Variants in AKAP6 observed in about 807,000 individuals in gnomAD.
AKAP6 encodes the protein A-kinase anchoring protein 6, also known as A-kinase anchor protein 6.
In AKAP6, 58 loss-of-function variants were observed where a neutral mutation model predicts 188.5. The observed-to-expected ratio is 0.31, with a 90% confidence interval of 0.25 to 0.38. The LOEUF (loss-of-function observed/expected upper bound fraction) is 0.38. AKAP6 is among the 10% of genes least tolerant of loss of function. The probability of loss-of-function intolerance (pLI) is 1.00; values close to 1 mark genes in which losing one functional copy is unlikely to be tolerated. For synonymous variants in AKAP6, 989 were observed against 998.6 expected (o/e 0.99, Z 0.18); for missense variants, 2,710 against 2,740.0 (o/e 0.99, Z 0.24).
intron 12 of AKAP6, among the ~76,000 whole-genome samples, chr14:32,784,643 CTGTT>C (rs1435683422): frequency 6.6e-6 from 1 of 152,154 alleles, no homozygotes; most frequent in Non-Finnish European, 1.5e-5. Context: ...TGAACATGTA[CTGTT>C]TCTCAGTTGC....
At chr14:32,551,533 T>C (rs1019633493) in intron 4 of AKAP6, among the ~76,000 whole-genome samples, 1 of 133,706 alleles carries the variant, frequency 7.5e-6, no homozygotes, top group African/African-American at 2.9e-5. Flanking sequence ...GAGCGTGCCA[T>C]GGCACTCCAG....
intron 8 of AKAP6, among the ~76,000 whole-genome samples, chr14:32,689,361 A>G (rs1015525238): frequency 6.6e-6 from 1 of 152,120 alleles, no homozygotes; most frequent in Non-Finnish European, 1.5e-5. Context: ...GTGTTGGTGG[A>G]CAGATGGTCC....
At chr14:32,395,321 A>T (rs1888843018) in intron 1 of AKAP6, among the ~76,000 whole-genome samples, 1 of 152,108 alleles carries the variant, frequency 6.6e-6, no homozygotes, top group Admixed American at 6.6e-5. Flanking sequence ...GTACTTTATC[A>T]TTAGTAGCAA....
At chr14:32,640,684 T>A (rs1479240194) in intron 7 of AKAP6, among the ~76,000 whole-genome samples, 1 of 152,170 alleles carries the variant, frequency 6.6e-6, no homozygotes, top group Non-Finnish European at 1.5e-5. Flanking sequence ...CTCGATTGAC[T>A]GAGAATCTTA....
Position 32,824,212 on chromosome 14 carries a change from C to T in AKAP6, c.6399C>T (p.Ser2133=), listed in dbSNP as rs1272432127. The change falls in exon 13 of 14, where the codon AGC becomes AGT. Residue 2133 remains serine, a synonymous_variant. Transcript: ENST00000280979. ...GEVTNYIEEK[S]STPLPLDTTD... ...TCACCAATTACATAGAAGAGAAAAGCAGCACTCCATTGCCACTAGACACCA... is the reference window on the plus strand; with the variant it reads ...TCACCAATTACATAGAAGAGAAAAGTAGCACTCCATTGCCACTAGACACCA... 12 of 1,613,872 alleles carry T rather than the reference C, an allele frequency of 7.4e-6. No homozygotes were observed. Among genetic ancestry groups the T allele is most frequent in the Non-Finnish European group, 9.3e-6 (11 of 1,179,952 alleles).
At position 32,545,465 on chromosome 14, in the gene AKAP6, G is replaced by C; in HGVS notation, c.812G>C (p.Ser271Thr). ...MEKEFPELIRSVGLLTVAADS... is the reference protein window; with the variant it reads ...MEKEFPELIRTVGLLTVAADS... Reference sequence around the variant, plus strand: ...AAGGAGTTTCCTGAGCTTATCCGAAGTGTTGGTTTACTTACGGTAGCTGCT... The same window carrying C: ...AAGGAGTTTCCTGAGCTTATCCGAACTGTTGGTTTACTTACGGTAGCTGCT... The change falls in exon 4 of 14, where the codon AGT becomes ACT. Residue 271 changes from serine to threonine, a missense_variant. Ser to Thr is a moderately conservative substitution (Grantham distance 58, BLOSUM62 1). Transcript: ENST00000280979. 2 of 1,614,214 alleles carry C rather than the reference G, an allele frequency of 1.2e-6. No individual in the cohort carries two copies. Among genetic ancestry groups the C allele is most frequent in the Non-Finnish European group, 1.7e-6 (2 of 1,180,016 alleles).
intron 1 of AKAP6, among the ~76,000 whole-genome samples, chr14:32,349,024 C>CT (rs112728605): frequency 7.2e-5 from 11 of 152,256 alleles, no homozygotes; most frequent in African/African-American, 2.2e-4. Context: ...AAATCACCCT[C>CT]TAGGACCTTT....
intron 8 of AKAP6, among the ~76,000 whole-genome samples, chr14:32,692,815 A>C (rs1261360016): frequency 6.6e-6 from 1 of 152,194 alleles, no homozygotes; most frequent in Non-Finnish European, 1.5e-5. Context: ...TGTATGAAAA[A>C]GAAACAAGCT....
chr14:32,786,312 T>TTTTTTTTTTTTG (rs1566710320), intron 12 of AKAP6, among the ~76,000 whole-genome samples: 7 of 90,290 alleles, frequency 7.8e-5, no homozygotes, highest in African/African-American at 3.1e-4. Context: ...TTTTTTTTTT[T>TTTTTTTTTTTTG]TTTTTTTTTT....
At chr14:32,331,815 T>C (rs1161780383) in intron 1 of AKAP6, among the ~76,000 whole-genome samples, 1 of 152,124 alleles carries the variant, frequency 6.6e-6, no homozygotes, top group African/African-American at 2.4e-5. Flanking sequence ...ATCAAGACCA[T>C]GTTTATTGGA....
chr14:32,629,188 A>C (rs1008583622), intron 7 of AKAP6, among the ~76,000 whole-genome samples: 1 of 152,096 alleles, frequency 6.6e-6, no homozygotes, highest in Admixed American at 6.6e-5. Context: ...TGTAATCATA[A>C]ACTTTATGAA....
rs1369148905 is a variant in AKAP6, at chr14:32,577,177, A to G, written c.2404A>G (p.Thr802Ala). ...ATGGTTAAATGAAGCCATGGAAACT[A>G]CAGAAAATTGGACTCCCCCTAAAGC... ...IQWLNEAMET[T>A]ENWTPPKAEM... The change falls in exon 5 of 14, where the codon ACA becomes GCA. Residue 802 changes from threonine (T) to alanine (A), a missense_variant. Coordinates refer to ENST00000280979, the MANE Select transcript of AKAP6 (RefSeq NM_004274.5). The G allele has an allele frequency of 1.2e-6, 2 of 1,612,554 alleles. No individual in the cohort carries two copies. Among genetic ancestry groups the G allele is most frequent in the African/African-American group, 1.3e-5 (1 of 74,816 alleles).
intron 7 of AKAP6, among the ~76,000 whole-genome samples, chr14:32,665,635 A>G (rs552012768): frequency 3.3e-5 from 5 of 152,168 alleles, no homozygotes; most frequent in African/African-American, 1.2e-4. Context: ...GGACCCTCTC[A>G]TGGGAGAGTC....
chr14:32,529,311 T>C (rs1342155559), intron 2 of AKAP6, among the ~76,000 whole-genome samples: 1 of 152,224 alleles, frequency 6.6e-6, no homozygotes, highest in Non-Finnish European at 1.5e-5. Context: ...TTTTGTATAT[T>C]AACCTCATAT....
At chr14:32,510,451 CATATATATGTGTATATATATATATACAT>C (rs1475132223) in intron 2 of AKAP6, among the ~76,000 whole-genome samples, 3 of 35,798 alleles carry the variant, frequency 8.4e-5, no homozygotes, top group East Asian at 9.4e-4. Flanking sequence ...TATATATATA[CATATATATGTGTATATATATATATACAT>C]ATATATATGT....
At chr14:32,750,212 C>T (rs1157390090) in intron 11 of AKAP6, among the ~76,000 whole-genome samples, 2 of 151,926 alleles carry the variant, frequency 1.3e-5, no homozygotes, top group Admixed American at 6.6e-5. Flanking sequence ...TTTTTAATTA[C>T]GTATTTTCTT....
chr14:32,428,350 C>T (rs942003281), intron 1 of AKAP6, among the ~76,000 whole-genome samples: 2 of 152,042 alleles, frequency 1.3e-5, no homozygotes. Context: ...ACATTAGCTT[C>T]CAAATAGGGA....
At chr14:32,792,107 C>CT (rs1230391392) in intron 12 of AKAP6, among the ~76,000 whole-genome samples, 2 of 152,050 alleles carry the variant, frequency 1.3e-5, no homozygotes, top group East Asian at 1.9e-4. Flanking sequence ...TCTGTGGGCT[C>CT]TTTTTTGGTT....
intron 13 of AKAP6, among the ~76,000 whole-genome samples, chr14:32,825,824 A>G (rs1220986681): frequency 6.6e-6 from 1 of 152,184 alleles, no homozygotes; most frequent in Non-Finnish European, 1.5e-5. Flanking sequence ...ATAGGAAATG[A>G]ATTACAGAAG....
Sources: gnomAD v4.1 joint callset for allele counts (sites outside exome capture counted in the v4.1 genomes callset) on GRCh38, gnomAD v4.1.1 for gene constraint, MANE v1.5 for transcripts, NCBI Gene and HGNC (gene_info 2026-07-23, HGNC 2026-07-21) for gene names.